The following SCAF8 variants were observed in gnomAD, a reference collection of about 807,000 sequenced individuals.
SCAF8 encodes SR-related CTD associated factor 8, also known as SR-related and CTD-associated factor 8.
In SCAF8, 23 loss-of-function variants were observed where a neutral mutation model predicts 140.5. That is an observed-to-expected ratio of 0.16 (90% CI 0.12 to 0.23). The LOEUF is 0.23. Among genes scored for constraint, SCAF8 ranks in the 10% least tolerant of loss-of-function variants. SCAF8 has a pLI of 1.00. For synonymous variants in SCAF8, 575 were observed against 528.9 expected, an observed-to-expected ratio of 1.09 and a Z score of -1.20; for missense variants, 1,397 against 1,555.7, an observed-to-expected ratio of 0.90 and a Z score of 1.72.
intron 16 of SCAF8, 65 bp from the exon 17 acceptor site, chr6:154,824,169 C>T: frequency 6.6e-7 from 1 of 1,517,504 alleles, no homozygotes; most frequent in Non-Finnish European, 9.0e-7. Context: ...AATAATTTGC[C>T]TTTAGTTGTT....
At chr6:154,779,889 C>G (rs1225552581) in intron 3 of SCAF8, among the ~76,000 whole-genome samples, 1 of 151,926 alleles carries the variant, frequency 6.6e-6, no homozygotes, top group Non-Finnish European at 1.5e-5. Context: ...CCATGTGCCC[C>G]TCACTCAGTT....
At chr6:154,734,063 G>GT in intron 1 of SCAF8, 133 bp downstream of exon 1, 1 of 1,313,914 alleles carries the variant, frequency 7.6e-7, no homozygotes, top group Non-Finnish European at 9.8e-7. Context: ...AGCAGTGCCC[G>GT]TGGGGGAGGG....
In SCAF8 at chr6:154,748,951, C is replaced by CT. The variant is rs36071825; in HGVS notation, c.30+15030dup. ...GGGTGAAGGCCTATGAATAAAATGT[C>CT]TTTTTTTTTGAGACGGAGTTTTCTC... is the stretch of plus-strand genomic sequence containing the variant. On this transcript the variant is annotated intron_variant, in intron 1 of 19. Coordinates refer to ENST00000367178, the MANE Select transcript of SCAF8 (RefSeq NM_014892.5). Among the ~76,000 whole-genome samples, 203 of 151,554 alleles carry CT rather than the reference C, an allele frequency of 1.3e-3. 4 individuals carry two copies. The South Asian group carries it at 0.019, about 14-fold the overall frequency.
rs1466560563 is a variant in SCAF8 at position 154,833,948 on chromosome 6, A to C, written c.*553A>C. On this transcript the variant is annotated 3_prime_UTR_variant, in exon 20 of 20. Coordinates refer to ENST00000367178, the MANE Select transcript of SCAF8 (RefSeq NM_014892.5). ...AGTAAGTGTTTGTGATTTGTTCCTC[A>C]TACTGCAGTGAGTAAAAAAGAAACA... 6.6e-6 allele frequency: 1 copy of C among 152,360 alleles called. No individual in the cohort carries two copies. The highest frequency in any genetic ancestry group is 2.4e-5 in the African/African-American group (1 of 41,470). The allele number at this position is 152,360 out of a possible 1,614,324, so 9.4% of individuals were successfully genotyped here.
At chr6:154,824,726 T>G (rs1778514367) in intron 17 of SCAF8, among the ~76,000 whole-genome samples, 1 of 152,076 alleles carries the variant, frequency 6.6e-6, no homozygotes, top group African/African-American at 2.4e-5. Context: ...GCAGATCACT[T>G]GAGGTCAGGA....
At chr6:154,768,007 C>T (rs1262560868) in intron 1 of SCAF8, among the ~76,000 whole-genome samples, 1 of 152,036 alleles carries the variant, frequency 6.6e-6, no homozygotes, top group African/African-American at 2.4e-5. Flanking sequence ...GTAGGTATGC[C>T]TTTCTTATAA....
chr6:154,751,417 C>T (rs1283610034), intron 1 of SCAF8, among the ~76,000 whole-genome samples: 4 of 151,946 alleles, frequency 2.6e-5, no homozygotes, highest in Non-Finnish European at 4.4e-5. Flanking sequence ...TTTGTTGAGA[C>T]GGGTTTCTCC....
In SCAF8 at chr6:154,733,607, G is replaced by A; in HGVS notation, c.-294G>A. On this transcript the variant is annotated 5_prime_UTR_variant, in exon 1 of 20. Transcript: ENST00000367178. ...AAACGGAGCGGGGCAGAGAAGAGAA[G>A]GCGCCGCGGCCCAGCCCCTCCCCCG... 1.0e-5 allele frequency: 13 copies of A among 1,290,640 alleles called. No individual in the cohort carries two copies. The highest frequency in any genetic ancestry group is 1.2e-5 in the Non-Finnish European group (12 of 1,023,076). 79.9% of individuals were successfully genotyped at this position (1,290,640 alleles called of 1,614,324 possible). A position where few individuals can be genotyped will look rare whatever the true frequency, so the allele number is the denominator to read the frequency against.
At chr6:154,797,686 G>A (rs894795184) in intron 6 of SCAF8, among the ~76,000 whole-genome samples, 1 of 151,374 alleles carries the variant, frequency 6.6e-6, no homozygotes, top group African/African-American at 2.4e-5. Flanking sequence ...GAACCACCGT[G>A]CCCAGCCTAT....
intron 10 of SCAF8, 34 bp downstream of exon 10, chr6:154,808,235 C>T (rs182653114): frequency 4.4e-6 from 7 of 1,575,164 alleles, no homozygotes; most frequent in Non-Finnish European, 6.1e-6. Context: ...TCATAAATTT[C>T]TAAAAGTAGC....
chr6:154,733,829 C>T lies in SCAF8; in HGVS notation c.-72C>T, dbSNP rs1778330609. The T allele has an allele frequency of 2.0e-6, 3 of 1,504,078 alleles. No individual in the cohort carries two copies. The highest frequency in any genetic ancestry group is 1.5e-5 in the African/African-American group (1 of 68,580). The allele number at this position is 1,504,078 out of a possible 1,614,324, so 93.2% of individuals were successfully genotyped here. A position where few individuals can be genotyped will look rare whatever the true frequency, so the allele number is the denominator to read the frequency against. On this transcript the variant is annotated 5_prime_UTR_variant, in exon 1 of 20. Transcript: ENST00000367178. ...CTCGCGGCCACGCAGCAGCCCGCGT[C>T]TCGCTCTCCCCACCCAGTGCAGTGG...
chr6:154,812,292 CTTTTTTTT>C (rs759236847), intron 12 of SCAF8, among the ~76,000 whole-genome samples: 1 of 38,788 alleles, frequency 2.6e-5, no homozygotes. Flanking sequence ...TCTATGTCAG[CTTTTTTTT>C]TTTTTTTTTT....
At chr6:154,765,731 T>C (rs1776544674) in intron 1 of SCAF8, among the ~76,000 whole-genome samples, 1 of 152,166 alleles carries the variant, frequency 6.6e-6, no homozygotes, top group African/African-American at 2.4e-5. Flanking sequence ...ATGACACTAT[T>C]GTAGGGGAAA....
intron 13 of SCAF8, among the ~76,000 whole-genome samples, chr6:154,817,691 G>A (rs1778293379): frequency 6.6e-6 from 1 of 152,172 alleles, no homozygotes; most frequent in Admixed American, 6.5e-5. Context: ...CAAGGCTGAG[G>A]AAAAGGTTTC....
Position 154,822,935 on chromosome 6 carries a change from T to G in SCAF8, c.1926+526T>G, listed in dbSNP as rs574438305. Among the ~76,000 whole-genome samples, 10 of 152,234 alleles carry G rather than the reference T, an allele frequency of 6.6e-5. No homozygotes were observed. In the South Asian group the frequency reaches 2.1e-3, roughly 32 times the overall value. On this transcript the variant is annotated intron_variant, in intron 16 of 19. Transcript: ENST00000367178. The stretch of plus-strand genomic sequence containing the variant: ...ACGTAAAATAAATATGATTGTGAGA[T>G]CCTATGGAAGGAAAAAAGTAGCGTA...
At chr6:154,751,464 G>T (rs1414063061) in intron 1 of SCAF8, among the ~76,000 whole-genome samples, 2 of 152,058 alleles carry the variant, frequency 1.3e-5, no homozygotes, top group Non-Finnish European at 2.9e-5. Context: ...CCTACCTCAG[G>T]TGATCCACCC....
chr6:154,784,155 A>ATATATATATATATATATTTATT (rs1408182952), intron 3 of SCAF8, among the ~76,000 whole-genome samples: 12 of 91,966 alleles, frequency 1.3e-4, no homozygotes, highest in Non-Finnish European at 2.5e-4. Context: ...ATATATATAT[A>ATATATATATATATATATTTATT]TATTTATTTA....
At chr6:154,777,195 A>G (rs1337804232) in intron 2 of SCAF8, among the ~76,000 whole-genome samples, 1 of 152,190 alleles carries the variant, frequency 6.6e-6, no homozygotes, top group Non-Finnish European at 1.5e-5. Flanking sequence ...GGGAAAAAAA[A>G]AAAAAGTATA....
At chr6:154,803,318 T>C (rs569300588) in intron 7 of SCAF8, among the ~76,000 whole-genome samples, 20 of 152,316 alleles carry the variant, frequency 1.3e-4, no homozygotes, top group African/African-American at 4.6e-4. Flanking sequence ...GTGTTTATCC[T>C]GCCTCTATCA....
Sources: allele counts gnomAD v4.1 joint callset (sites outside exome capture counted in the v4.1 genomes callset), GRCh38; gene constraint gnomAD v4.1.1; transcripts MANE v1.5; gene names NCBI Gene and HGNC (gene_info 2026-07-23, HGNC 2026-07-21).